The following PRKCB variants were observed in gnomAD, a reference collection of about 807,000 sequenced individuals.
PRKCB encodes protein kinase C beta type.
In PRKCB, 13 loss-of-function variants were observed where a neutral mutation model predicts 81.5. That is an observed-to-expected ratio of 0.16 (90% CI 0.10 to 0.25). The LOEUF is 0.25. Among genes scored for constraint, PRKCB ranks in the 10% least tolerant of loss-of-function variants. The pLI is 1.00. For synonymous variants in PRKCB, 335 were observed against 321.4 expected, an observed-to-expected ratio of 1.04 and a Z score of -0.45; for missense variants, 509 against 875.7, an observed-to-expected ratio of 0.58 and a Z score of 5.29.
chr16:23,964,959 C>G (rs1964468837), intron 2 of PRKCB, among the ~76,000 whole-genome samples: 1 of 152,284 alleles, frequency 6.6e-6, no homozygotes, highest in South Asian at 2.1e-4. Flanking sequence ...TGTGAGCTAC[C>G]ATGCCTGGTC....
At chr16:24,044,798 T>G (rs1048518622) in intron 5 of PRKCB, among the ~76,000 whole-genome samples, 10 of 152,266 alleles carry the variant, frequency 6.6e-5, no homozygotes, top group Non-Finnish European at 1.5e-4. Flanking sequence ...TGAAAACATT[T>G]GGCAGTCCTT....
intron 5 of PRKCB, among the ~76,000 whole-genome samples, chr16:24,080,642 G>T (rs1051320562): frequency 2.6e-5 from 4 of 152,204 alleles, no homozygotes; most frequent in African/African-American, 9.7e-5. Flanking sequence ...AGAGGTGTGG[G>T]TGGGAGTTGT....
intron 5 of PRKCB, among the ~76,000 whole-genome samples, chr16:24,059,068 G>A (rs1393984468): frequency 6.6e-6 from 1 of 152,198 alleles, no homozygotes; most frequent in Non-Finnish European, 1.5e-5. Context: ...AGTCACAGAA[G>A]CTTACCAGAA....
chr16:24,133,035 G>C (rs563797913), intron 9 of PRKCB, among the ~76,000 whole-genome samples: 1 of 152,050 alleles, frequency 6.6e-6, no homozygotes. Flanking sequence ...TATTCTAGGA[G>C]GTTAGTCATT....
intron 2 of PRKCB, among the ~76,000 whole-genome samples, chr16:23,981,916 C>A (rs1964725341): frequency 1.4e-5 from 1 of 73,378 alleles, no homozygotes; most frequent in Non-Finnish European, 2.8e-5. Context: ...TTCCCCTTCC[C>A]CTTCCCTTCC....
chr16:23,919,472 A>G (rs1227991994), intron 2 of PRKCB, among the ~76,000 whole-genome samples: 1 of 151,648 alleles, frequency 6.6e-6, no homozygotes, highest in Non-Finnish European at 1.5e-5. Flanking sequence ...GATCTTTGCT[A>G]TATAACCAGA....
rs549202574 is a variant in PRKCB, at chr16:23,851,632, A to AT, written c.205+14230dup. On this transcript the variant is annotated intron_variant, in intron 2 of 16. Transcript: ENST00000643927. ...TATTTCTGTGAAAAATGACATTGGA[A>AT]TTTTGATAAGAATTGCACTGAATCT... 7.9e-4 allele frequency among the ~76,000 whole-genome samples: 121 copies of AT among 152,294 alleles called. No homozygotes were observed. In the South Asian group the frequency reaches 0.014, roughly 18 times the overall value.
chr16:24,167,720 C>G (rs976213543), intron 10 of PRKCB, among the ~76,000 whole-genome samples: 11 of 152,172 alleles, frequency 7.2e-5, no homozygotes, highest in African/African-American at 2.7e-4. Flanking sequence ...ATGTCTAGCT[C>G]AGAACCTTTC....
intron 7 of PRKCB, among the ~76,000 whole-genome samples, chr16:24,094,609 C>A (rs1431537158): frequency 6.6e-6 from 1 of 151,950 alleles, no homozygotes; most frequent in Non-Finnish European, 1.5e-5. Context: ...CTATCAAAAA[C>A]ATGAAAAATT....
intron 2 of PRKCB, among the ~76,000 whole-genome samples, chr16:23,977,942 G>A (rs921725373): frequency 3.9e-5 from 6 of 152,058 alleles, no homozygotes; most frequent in Admixed American, 1.3e-4. Context: ...TCATTCATTC[G>A]CTCACATTTT....
At chr16:24,050,029 G>T (rs1965821747) in intron 5 of PRKCB, among the ~76,000 whole-genome samples, 1 of 152,188 alleles carries the variant, frequency 6.6e-6, no homozygotes, top group Admixed American at 6.5e-5. Flanking sequence ...GGGGATCCAA[G>T]AAGCCAAGCA....
Position 24,096,666 on chromosome 16 carries a change from A to AAAAAAAAAATATAT in PRKCB, c.821+2370_821+2371insAAAAAAAATATATA, listed in dbSNP as rs1406204037. 2.1e-3 allele frequency among the ~76,000 whole-genome samples: 69 copies of AAAAAAAAAATATAT among 32,572 alleles called. 1 individual carries two copies. Among genetic ancestry groups the AAAAAAAAAATATAT allele is most frequent in the Non-Finnish European group, 3.4e-3 (56 of 16,354 alleles). 21.4% of individuals were successfully genotyped at this position (32,572 alleles called of 152,430 possible). Reference sequence around the variant, plus strand: ...CCTTCCTATGGCAAAAAAAAAAAAAAATATATATATATATATATATATATA... The same window carrying AAAAAAAAAATATAT: ...CCTTCCTATGGCAAAAAAAAAAAAAAAAAAAAAAATATATATATATATATATATATATATATATA... On this transcript the variant is annotated intron_variant, in intron 7 of 16. Transcript: ENST00000643927.
intron 5 of PRKCB, among the ~76,000 whole-genome samples, chr16:24,087,268 G>A (rs1442832361): frequency 6.6e-6 from 1 of 152,148 alleles, no homozygotes. Flanking sequence ...CTTAAACAAA[G>A]AGGCATTATA....
At chr16:23,853,751 T>A (rs1237942714) in intron 2 of PRKCB, among the ~76,000 whole-genome samples, 4 of 151,960 alleles carry the variant, frequency 2.6e-5, no homozygotes. Flanking sequence ...TTCTTGTTTT[T>A]AGTTATTAGA....
At chr16:24,108,150 C>T (rs1176277207) in intron 7 of PRKCB, among the ~76,000 whole-genome samples, 1 of 149,634 alleles carries the variant, frequency 6.7e-6, no homozygotes, top group African/African-American at 2.5e-5. Flanking sequence ...TCCTTGATTT[C>T]CATTTGTTTA....
Position 24,078,780 on chromosome 16 carries a change from G to T in PRKCB, c.530-14011G>T, listed in dbSNP as rs1966212900. The stretch of plus-strand genomic sequence containing the variant: ...TGGTCTCTAGACTTGTGGGGTTGTG[G>T]TTGTGTGGAGTCAGAGTAAGTGTGG... On this transcript the variant is annotated intron_variant, in intron 5 of 16. Coordinates refer to ENST00000643927, the MANE Select transcript of PRKCB (RefSeq NM_002738.7). Among the ~76,000 whole-genome samples, 3 of 152,220 alleles carry T rather than the reference G, an allele frequency of 2.0e-5. No homozygotes were observed. In the South Asian group the frequency reaches 6.2e-4, roughly 32 times the overall value.
intron 16 of PRKCB, among the ~76,000 whole-genome samples, chr16:24,199,747 G>A (rs1967928932): frequency 1.3e-5 from 2 of 152,176 alleles, no homozygotes; most frequent in African/African-American, 2.4e-5. Context: ...GTAAGGTAGG[G>A]TTATCACCAC....
intron 2 of PRKCB, among the ~76,000 whole-genome samples, chr16:23,867,622 G>C (rs1041546092): frequency 6.6e-6 from 1 of 152,172 alleles, no homozygotes; most frequent in Non-Finnish European, 1.5e-5. Context: ...CCTGGGTCCT[G>C]TGTCACTTTA....
At chr16:24,132,570 C>T (rs1966854884) in intron 9 of PRKCB, among the ~76,000 whole-genome samples, 1 of 152,062 alleles carries the variant, frequency 6.6e-6, no homozygotes. Context: ...TTTTTTGGGT[C>T]CTTACTATGT....
Sources: gnomAD v4.1 joint callset for allele counts (sites outside exome capture counted in the v4.1 genomes callset) on GRCh38, gnomAD v4.1.1 for gene constraint, MANE v1.5 for transcripts, NCBI Gene and HGNC (gene_info 2026-07-23, HGNC 2026-07-21) for gene names.